The following RABGAP1L variants were observed in gnomAD, a reference collection of about 807,000 sequenced individuals.
RABGAP1L encodes rab GTPase-activating protein 1-like.
RABGAP1L carries 63 observed loss-of-function variants against 137.7 expected under a neutral mutation model. That is an observed-to-expected ratio of 0.46 (90% CI 0.37 to 0.56). The LOEUF (loss-of-function observed/expected upper bound fraction) is 0.56, where lower values mean the gene tolerates loss of function less well. Ranked by LOEUF, RABGAP1L falls within the 20% of genes least tolerant of loss-of-function variation. The probability of loss-of-function intolerance (pLI) is 0.00; values close to 1 mark genes in which losing one functional copy is unlikely to be tolerated. For synonymous variants in RABGAP1L, 431 were observed against 433.7 expected (o/e 0.99, Z 0.08); for missense variants, 1,095 against 1,244.0 (o/e 0.88, Z 1.80).
chr1:174,423,083 A>T (rs1651531686), intron 13 of RABGAP1L, among the ~76,000 whole-genome samples: 1 of 152,104 alleles, frequency 6.6e-6, no homozygotes, highest in African/African-American at 2.4e-5. Context: ...GCCATCTGAT[A>T]TAAGCAGTAT....
chr1:174,491,465 T>C (rs1013224864), intron 13 of RABGAP1L, among the ~76,000 whole-genome samples: 3 of 152,000 alleles, frequency 2.0e-5, no homozygotes, highest in African/African-American at 7.3e-5. Flanking sequence ...AAATCCTCTT[T>C]ACTCTTCCCT....
chr1:174,937,170 G>A (rs112533836), intron 19 of RABGAP1L, among the ~76,000 whole-genome samples: 1 of 151,444 alleles, frequency 6.6e-6, no homozygotes, highest in Non-Finnish European at 1.5e-5. Flanking sequence ...GTAGAGATAG[G>A]GTTTCACCGT....
chr1:174,421,244 G>A (rs890298998), intron 13 of RABGAP1L, among the ~76,000 whole-genome samples: 1 of 152,014 alleles, frequency 6.6e-6, no homozygotes, highest in Non-Finnish European at 1.5e-5. Flanking sequence ...TTACAACTGG[G>A]ATTCAAAAAT....
intron 13 of RABGAP1L, among the ~76,000 whole-genome samples, chr1:174,501,959 T>A (rs1482149564): frequency 6.6e-6 from 1 of 151,848 alleles, no homozygotes; most frequent in Non-Finnish European, 1.5e-5. Context: ...GTTTACGGGT[T>A]TCTTTCATTT....
At chr1:174,604,270 C>T (rs1670621022) in intron 13 of RABGAP1L, among the ~76,000 whole-genome samples, 1 of 152,164 alleles carries the variant, frequency 6.6e-6, no homozygotes, top group Admixed American at 6.5e-5. Flanking sequence ...CTAAATGCTC[C>T]CTCCATTGGC....
At chr1:174,887,742 A>T (rs543643975) in intron 19 of RABGAP1L, among the ~76,000 whole-genome samples, 3 of 152,164 alleles carry the variant, frequency 2.0e-5, no homozygotes, top group Non-Finnish European at 4.4e-5. Context: ...TTTAAATACA[A>T]TTACTAAAAT....
chr1:174,856,094 G>T (rs1042605772), intron 19 of RABGAP1L, among the ~76,000 whole-genome samples: 1 of 152,122 alleles, frequency 6.6e-6, no homozygotes, highest in Non-Finnish European at 1.5e-5. Context: ...TTTTCAGTTG[G>T]CCAGTTAAAA....
chr1:174,322,713 A>G (rs1392602528), intron 11 of RABGAP1L, among the ~76,000 whole-genome samples: 1 of 152,160 alleles, frequency 6.6e-6, no homozygotes, highest in Admixed American at 6.5e-5. Context: ...ACTGTATTCT[A>G]TAGAAGACTT....
At chr1:174,660,513 G>T (rs1264872360) in intron 14 of RABGAP1L, among the ~76,000 whole-genome samples, 3 of 152,122 alleles carry the variant, frequency 2.0e-5, no homozygotes, top group African/African-American at 7.2e-5. Flanking sequence ...TAACTACCCT[G>T]GTCTAAACTA....
rs552887317 is a variant in RABGAP1L at position 174,798,678 on chromosome 1, T to C, written c.2212-13154T>C. On this transcript the variant is annotated intron_variant, in intron 18 of 25. Coordinates refer to ENST00000681986, the MANE Select transcript of RABGAP1L (RefSeq NM_001366446.1). ...AAATATGTTTCTATTTGGTTATTTG[T>C]AGATATGTAACTCTTATTTGTCAGA... 2.6e-5 allele frequency among the ~76,000 whole-genome samples: 4 copies of C among 152,314 alleles called. No homozygotes were observed. In the East Asian group the frequency reaches 7.7e-4, roughly 29 times the overall value.
At chr1:174,658,999 A>G (rs1003402315) in intron 14 of RABGAP1L, among the ~76,000 whole-genome samples, 1 of 152,158 alleles carries the variant, frequency 6.6e-6, no homozygotes, top group Non-Finnish European at 1.5e-5. Context: ...AAGAATCCAT[A>G]AGAATTTTAG....
Position 174,221,123 on chromosome 1 carries a change from A to G in RABGAP1L, c.290A>G (p.Asn97Ser). 1 of 1,613,188 alleles carries G rather than the reference A, an allele frequency of 6.2e-7. No individual in the cohort carries two copies. The highest frequency in any genetic ancestry group is 1.1e-5 in the South Asian group (1 of 90,970). Reference protein sequence around the residue: ...SFGDIPASQTNKPSLQLILDP... With the variant: ...SFGDIPASQTSKPSLQLILDP... ...GGAGATATTCCAGCCAGCCAAACAAATAAGCCATCTCTTCAGTTAATTTTG... is the reference window on the plus strand; with the variant it reads ...GGAGATATTCCAGCCAGCCAAACAAGTAAGCCATCTCTTCAGTTAATTTTG... Residue 97 changes from asparagine to serine, a missense_variant, in exon 3 of 26, where the codon AAT becomes AGT. Asn to Ser is a conservative substitution (Grantham distance 46). Around this residue, in one of 4 missense-constraint regions of RABGAP1L, gnomAD observed 356 missense variants for 326.3 expected, o/e 1.09. Coordinates refer to ENST00000681986, the MANE Select transcript of RABGAP1L (RefSeq NM_001366446.1).
chr1:174,926,104 A>G (rs184470547), intron 19 of RABGAP1L, among the ~76,000 whole-genome samples: 1 of 151,884 alleles, frequency 6.6e-6, no homozygotes, highest in East Asian at 1.9e-4. Context: ...CCTATTTGTA[A>G]TAATACTGCC....
intron 17 of RABGAP1L, among the ~76,000 whole-genome samples, chr1:174,750,603 G>C (rs1684273557): frequency 6.6e-6 from 1 of 152,170 alleles, no homozygotes; most frequent in Non-Finnish European, 1.5e-5. Flanking sequence ...AGCTGAACAT[G>C]GAGTGGAGTT....
intron 19 of RABGAP1L, among the ~76,000 whole-genome samples, chr1:174,848,583 G>A (rs1367139108): frequency 1.4e-5 from 2 of 146,668 alleles, no homozygotes; most frequent in Non-Finnish European, 3.0e-5. Context: ...CAGTCTGCCC[G>A]TTCTCAGATC....
chr1:174,735,958 T>C (rs565312484), intron 17 of RABGAP1L, among the ~76,000 whole-genome samples: 10 of 152,300 alleles, frequency 6.6e-5, no homozygotes, highest in Admixed American at 3.3e-4. Context: ...ACCTCCAACA[T>C]TGGGGATTAC....
chr1:174,254,511 C>T (rs567000672), intron 7 of RABGAP1L, among the ~76,000 whole-genome samples: 52 of 152,226 alleles, frequency 3.4e-4, no homozygotes, highest in African/African-American at 8.7e-4. Context: ...TGACAGGCCC[C>T]GGTGTATGAT....
At chr1:174,973,050 G>C (rs1267692202) in intron 21 of RABGAP1L, among the ~76,000 whole-genome samples, 1 of 152,092 alleles carries the variant, frequency 6.6e-6, no homozygotes, top group Admixed American at 6.6e-5. Flanking sequence ...ACCACTGTTA[G>C]AGGGATACTC....
intron 13 of RABGAP1L, among the ~76,000 whole-genome samples, chr1:174,488,470 C>T (rs1391706946): frequency 6.6e-6 from 1 of 151,962 alleles, no homozygotes; most frequent in Non-Finnish European, 1.5e-5. Context: ...TTATCCTTAA[C>T]CTTTGGGAGT....
Sources: gnomAD v4.1 joint callset for allele counts (sites outside exome capture counted in the v4.1 genomes callset) on GRCh38, gnomAD v4.1.1 for gene constraint, gnomAD v4.1.1 regional missense constraint, MANE v1.5 for transcripts, NCBI Gene and HGNC (gene_info 2026-07-23, HGNC 2026-07-21) for gene names.